Variants in NOS1 observed in about 807,000 individuals in gnomAD.
The protein encoded by NOS1 is nitric oxide synthase 1.
NOS1 carries 51 observed loss-of-function variants against 164.5 expected under a neutral mutation model. The ratio of observed to expected loss-of-function variants is 0.31; its 90% CI spans 0.25 to 0.39. The LOEUF (loss-of-function observed/expected upper bound fraction) is 0.39. NOS1 is among the 10% of genes least tolerant of loss of function. The pLI is 1.00. For missense variants in NOS1, 1,362 were observed against 1,885.6 expected (o/e 0.72, Z 5.14); for synonymous variants, 719 against 745.8 (o/e 0.96, Z 0.59).
At chr12:117,277,664 T>C (rs1555254797) in intron 9 of NOS1, among the ~76,000 whole-genome samples, 1 of 152,090 alleles carries the variant, frequency 6.6e-6, no homozygotes, top group Non-Finnish European at 1.5e-5. Context: ...CAAGAAAGTA[T>C]GGTGCTTCTG....
Position 117,214,596 on chromosome 12 carries a change from A to T in NOS1, c.*713T>A, listed in dbSNP as rs1320356653. ...GGGAATGCCTCTTTCATTGGGAGAC[A>T]GCCCCTTTAATCAATTTCCCACTCC... On this transcript the variant is annotated 3_prime_UTR_variant, in exon 29 of 29. Coordinates refer to ENST00000317775, the MANE Select transcript of NOS1 (RefSeq NM_000620.5). 1 of 985,324 alleles carries T rather than the reference A, an allele frequency of 1.0e-6. No individual in the cohort carries two copies. Among genetic ancestry groups the T allele is most frequent in the Non-Finnish European group, 1.2e-6 (1 of 829,966 alleles). 61.0% of individuals were successfully genotyped at this position (985,324 alleles called of 1,614,324 possible).
chr12:117,342,517 G>T lies in NOS1; in HGVS notation c.-420-11028C>A, dbSNP rs571766117. Among the ~76,000 whole-genome samples the T allele has an allele frequency of 8.5e-5, 13 of 152,256 alleles. No homozygotes were observed. The South Asian group carries it at 2.7e-3, about 32-fold the overall frequency. Reference sequence around the variant, plus strand: ...TGAGAAATGGAGGACAGAGACCAGCGTGTGAGAAGGCACTGTGGTAGGATG... The same window carrying T: ...TGAGAAATGGAGGACAGAGACCAGCTTGTGAGAAGGCACTGTGGTAGGATG... On this transcript the variant is annotated intron_variant, in intron 1 of 28. Coordinates refer to ENST00000317775, the MANE Select transcript of NOS1 (RefSeq NM_000620.5).
chr12:117,343,361 G>A (rs945223762), intron 1 of NOS1, among the ~76,000 whole-genome samples: 2 of 152,156 alleles, frequency 1.3e-5, no homozygotes, highest in Admixed American at 6.5e-5. Context: ...TTCATGAATA[G>A]TAATAATTTA....
chr12:117,277,339 C>G (rs1873268909), intron 9 of NOS1, among the ~76,000 whole-genome samples: 1 of 152,000 alleles, frequency 6.6e-6, no homozygotes, highest in Non-Finnish European at 1.5e-5. Flanking sequence ...AATGCCAGCA[C>G]TTTGGGAGGC....
At chr12:117,325,707 T>A (rs1875212277) in intron 2 of NOS1, among the ~76,000 whole-genome samples, 1 of 152,068 alleles carries the variant, frequency 6.6e-6, no homozygotes, top group Non-Finnish European at 1.5e-5. Flanking sequence ...TTATCAGGAG[T>A]CATTCACTAT....
At chr12:117,224,963 GACCTCCCCA>G in intron 25 of NOS1, 44 bp downstream of exon 25, 2 of 1,611,974 alleles carry the variant, frequency 1.2e-6, no homozygotes, top group Non-Finnish European at 1.7e-6. Context: ...GACACAGCTG[GACCTCCCCA>G]GGTCCGGGGG....
At chr12:117,275,163 TAC>T (rs1052064157) in intron 9 of NOS1, among the ~76,000 whole-genome samples, 1 of 151,964 alleles carries the variant, frequency 6.6e-6, no homozygotes, top group African/African-American at 2.4e-5. Flanking sequence ...CATATATATA[TAC>T]ACCTACTATC....
intron 2 of NOS1, among the ~76,000 whole-genome samples, chr12:117,313,610 T>C (rs1018669589): frequency 9.2e-5 from 14 of 152,122 alleles, no homozygotes; most frequent in Non-Finnish European, 2.9e-5. Context: ...TCCGACTTCT[T>C]ACCCACTAAG....
intron 1 of NOS1, among the ~76,000 whole-genome samples, chr12:117,358,350 G>A (rs1428627183): frequency 1.9e-4 from 29 of 151,814 alleles, no homozygotes; most frequent in African/African-American, 5.6e-4. Flanking sequence ...ACTCTTCTCC[G>A]TGCGGTCCTT....
chr12:117,300,443 T>C (rs1180140539), intron 3 of NOS1, among the ~76,000 whole-genome samples: 4 of 152,212 alleles, frequency 2.6e-5, no homozygotes, highest in Non-Finnish European at 2.9e-5. Flanking sequence ...CACCACTTCC[T>C]GGCTCCACCC....
chr12:117,247,945 A>T (rs1389230876), intron 17 of NOS1, among the ~76,000 whole-genome samples: 1 of 109,684 alleles, frequency 9.1e-6, no homozygotes, highest in East Asian at 2.3e-4. Context: ...GACTCCGTCT[A>T]AAAAAAAAAA....
At chr12:117,350,329 C>T (rs1292989943) in intron 1 of NOS1, among the ~76,000 whole-genome samples, 4 of 152,176 alleles carry the variant, frequency 2.6e-5, no homozygotes, top group Non-Finnish European at 5.9e-5. Context: ...GGGCATTCAA[C>T]AGGCACTTAC....
chr12:117,302,821 A>G (rs11068440), intron 3 of NOS1, among the ~76,000 whole-genome samples: 6,947 of 151,874 alleles, frequency 0.046, 461 homozygotes, highest in African/African-American at 0.14. Context: ...TCTCAGCTCA[A>G]TGCAACCTCC....
intron 13 of NOS1, among the ~76,000 whole-genome samples, chr12:117,261,898 C>T (rs540296612): frequency 6.6e-6 from 1 of 152,300 alleles, no homozygotes; most frequent in Non-Finnish European, 1.5e-5. Flanking sequence ...GAAGCCCAAA[C>T]CAGTGTCTCT....
chr12:117,274,063 T>G (rs1266526781), intron 9 of NOS1, among the ~76,000 whole-genome samples: 1 of 152,138 alleles, frequency 6.6e-6, no homozygotes, highest in East Asian at 1.9e-4. Flanking sequence ...TGAAAACTAT[T>G]CATCCACCAA....
chr12:117,279,954 G>C (rs1426652466), intron 8 of NOS1, among the ~76,000 whole-genome samples: 1 of 152,224 alleles, frequency 6.6e-6, no homozygotes, highest in African/African-American at 2.4e-5. Context: ...CCACCCGGGA[G>C]GGGCTTGAGC....
At chr12:117,322,158 CTCCT>C (rs1185401255) in intron 2 of NOS1, among the ~76,000 whole-genome samples, 1 of 137,464 alleles carries the variant, frequency 7.3e-6, no homozygotes, top group African/African-American at 2.7e-5. Flanking sequence ...CCTTCCCTCC[CTCCT>C]TCCTTCTTTT....
At chr12:117,334,446 G>C (rs1288615419) in intron 1 of NOS1, among the ~76,000 whole-genome samples, 1 of 152,090 alleles carries the variant, frequency 6.6e-6, no homozygotes, top group Non-Finnish European at 1.5e-5. Flanking sequence ...GCCCAGGCTG[G>C]AATGCAGTGG....
In NOS1 at chr12:117,330,460, C is replaced by T. The variant is rs775790147; in HGVS notation, c.610G>A (p.Glu204Lys). 5 of 1,614,110 alleles carry T rather than the reference C, an allele frequency of 3.1e-6. No homozygotes were observed. Among genetic ancestry groups the T allele is most frequent in the Non-Finnish European group, 4.2e-6 (5 of 1,180,054 alleles). ...ACAGGCTCTATCTCCTTGAGCAGTT[C>T]ATTGTTCTCCCCTCTGCCTTGGAGG... is the stretch of plus-strand genomic sequence containing the variant. The part of the protein sequence containing the change: ...VSLQGRGENN[E>K]LLKEIEPVLS... The change falls in exon 2 of 29, where the codon GAA (glutamate) becomes AAA (lysine). Residue 204 changes from glutamate (E) to lysine (K), a missense_variant. Physicochemically the swap from Glu to Lys is moderately conservative, Grantham distance 56. This residue lies in a region of NOS1 where 362 missense variants were observed against 402.0 expected (regional missense o/e 0.90). Coordinates refer to ENST00000317775, the MANE Select transcript of NOS1 (RefSeq NM_000620.5). This position sits in a 1 kb window ranked among gnomAD's most constrained non-coding sequence, Gnocchi z 4.6.
Sources: gnomAD v4.1 joint callset for allele counts (sites outside exome capture counted in the v4.1 genomes callset) on GRCh38, gnomAD v4.1.1 for gene constraint, gnomAD v4.1.1 regional missense constraint, Gnocchi (gnomAD v3.1) non-coding constraint, MANE v1.5 for transcripts, NCBI Gene and HGNC (gene_info 2026-07-23, HGNC 2026-07-21) for gene names.